ARHGAP15: variants seen among roughly 807,000 people sequenced by gnomAD.
ARHGAP15 encodes the protein rho GTPase-activating protein 15.
ARHGAP15 carries 51 observed loss-of-function variants against 63.7 expected under a neutral mutation model. That is an observed-to-expected ratio of 0.80 (90% CI 0.64 to 1.01). The LOEUF is 1.01. ARHGAP15 is among the 50% of genes least tolerant of loss of function. The pLI is 0.00. For synonymous variants in ARHGAP15, 191 were observed against 193.8 expected (o/e 0.99, Z 0.12); for missense variants, 560 against 564.6 (o/e 0.99, Z 0.08).
intron 11 of ARHGAP15, among the ~76,000 whole-genome samples, chr2:143,604,152 A>G (rs1286818180): frequency 6.6e-6 from 1 of 152,250 alleles, no homozygotes; most frequent in Admixed American, 6.5e-5. Flanking sequence ...CCTCAGGCTC[A>G]AATGCAGAAT....
intron 10 of ARHGAP15, among the ~76,000 whole-genome samples, chr2:143,556,106 C>T (rs1013150537): frequency 1.1e-4 from 16 of 152,014 alleles, no homozygotes; most frequent in Non-Finnish European, 1.9e-4. Context: ...GGTTTCCCCC[C>T]TACCCAGTTG....
rs150470323 is a variant in ARHGAP15 at position 143,170,445 on chromosome 2, C to T, written c.165+14790C>T. ...CCCACACCACTGCCACCAACAAATA[C>T]ATGATTGGACTGAGATGTGACTTTA... On this transcript the variant is annotated intron_variant, in intron 2 of 13. Transcript: ENST00000295095. 2.3e-3 allele frequency among the ~76,000 whole-genome samples: 344 copies of T among 152,234 alleles called. 2 individuals carry two copies. Among genetic ancestry groups the T allele is most frequent in the African/African-American group, 7.9e-3 (330 of 41,564 alleles).
intron 6 of ARHGAP15, among the ~76,000 whole-genome samples, chr2:143,251,765 G>T (rs934621192): frequency 1.3e-5 from 2 of 151,922 alleles, no homozygotes; most frequent in Non-Finnish European, 2.9e-5. Flanking sequence ...AAAGATAGAA[G>T]AAAACCAAAC....
At chr2:143,246,022 C>A (rs1450115938) in intron 5 of ARHGAP15, among the ~76,000 whole-genome samples, 1 of 151,948 alleles carries the variant, frequency 6.6e-6, no homozygotes, top group Non-Finnish European at 1.5e-5. Context: ...TATTCTTGGA[C>A]CTGAAAAAGC....
At chr2:143,137,186 T>G (rs1228964689) in intron 1 of ARHGAP15, among the ~76,000 whole-genome samples, 1 of 152,112 alleles carries the variant, frequency 6.6e-6, no homozygotes, top group Non-Finnish European at 1.5e-5. Context: ...GCTATGGAAT[T>G]TATTATTTAT....
At chr2:143,216,854 G>T (rs1692777470) in intron 4 of ARHGAP15, among the ~76,000 whole-genome samples, 1 of 152,116 alleles carries the variant, frequency 6.6e-6, no homozygotes, top group Non-Finnish European at 1.5e-5. Flanking sequence ...GCTCAAAATA[G>T]AAATTGATAA....
chr2:143,449,624 C>T (rs1409224788), intron 8 of ARHGAP15, among the ~76,000 whole-genome samples: 3 of 152,018 alleles, frequency 2.0e-5, no homozygotes, highest in Admixed American at 6.6e-5. Context: ...CCAGGCTGCA[C>T]TTCAGTCAAG....
intron 6 of ARHGAP15, among the ~76,000 whole-genome samples, chr2:143,309,871 T>A (rs1315036438): frequency 1.1e-5 from 1 of 90,312 alleles, no homozygotes; most frequent in East Asian, 2.0e-4. Flanking sequence ...TGAACTTGTG[T>A]GTGTGTGTGT....
In ARHGAP15 at chr2:143,152,168, C is replaced by T. The variant is rs564485011; in HGVS notation, c.-14-3309C>T. 6.6e-5 allele frequency among the ~76,000 whole-genome samples: 10 copies of T among 152,068 alleles called. No individual in the cohort carries two copies. In the South Asian group the frequency reaches 2.1e-3, roughly 32 times the overall value. Reference sequence around the variant, plus strand: ...ATCATTCAGCCAGATGAAAGATAAGCGAGATGATCAGATATCCCCACAGAG... The same window carrying T: ...ATCATTCAGCCAGATGAAAGATAAGTGAGATGATCAGATATCCCCACAGAG... On this transcript the variant is annotated intron_variant, in intron 1 of 13. Coordinates refer to ENST00000295095, the MANE Select transcript of ARHGAP15 (RefSeq NM_018460.4).
intron 3 of ARHGAP15, among the ~76,000 whole-genome samples, chr2:143,202,776 T>G (rs1198679412): frequency 6.6e-6 from 1 of 152,118 alleles, no homozygotes; most frequent in Non-Finnish European, 1.5e-5. Flanking sequence ...TTTTTTGTTA[T>G]TGTTGTTGTT....
chr2:143,760,957 CTAA>C (rs1686741586), intron 13 of ARHGAP15, among the ~76,000 whole-genome samples: 1 of 152,120 alleles, frequency 6.6e-6, no homozygotes, highest in South Asian at 2.1e-4. Context: ...TCGAAACACA[CTAA>C]TGTTAAATGC....
chr2:143,443,566 A>G (rs1036892074), intron 8 of ARHGAP15, among the ~76,000 whole-genome samples: 1 of 152,162 alleles, frequency 6.6e-6, no homozygotes, highest in Non-Finnish European at 1.5e-5. Flanking sequence ...AAGACAGACA[A>G]TATCTAAAGA....
chr2:143,520,534 G>T (rs1694015881), intron 10 of ARHGAP15, among the ~76,000 whole-genome samples: 3 of 152,126 alleles, frequency 2.0e-5, no homozygotes, highest in African/African-American at 7.2e-5. Flanking sequence ...TACAGTGAGA[G>T]TAGAAAGCAG....
chr2:143,714,594 C>T (rs1294806613), intron 13 of ARHGAP15, among the ~76,000 whole-genome samples: 1 of 152,240 alleles, frequency 6.6e-6, no homozygotes, highest in Non-Finnish European at 1.5e-5. Context: ...CTTTTATGCT[C>T]TGTTTCCCTT....
chr2:143,143,445 T>TC (rs1689452696), intron 1 of ARHGAP15, among the ~76,000 whole-genome samples: 1 of 152,122 alleles, frequency 6.6e-6, no homozygotes, highest in South Asian at 2.1e-4. Context: ...CTGGCAAATA[T>TC]TTTTTCACTA....
intron 13 of ARHGAP15, among the ~76,000 whole-genome samples, chr2:143,724,545 C>T (rs1685198980): frequency 6.6e-6 from 1 of 152,074 alleles, no homozygotes; most frequent in African/African-American, 2.4e-5. Flanking sequence ...TTTCCTGGAC[C>T]TTGTAGTGTT....
At chr2:143,468,687 T>TG in intron 8 of ARHGAP15, among the ~76,000 whole-genome samples, 1 of 148,988 alleles carries the variant, frequency 6.7e-6, no homozygotes. Context: ...TGTGTGTGTG[T>TG]TGTAAAAGTT....
chr2:143,220,004 GTTTTTA>G (rs1167647265), intron 4 of ARHGAP15, among the ~76,000 whole-genome samples: 1 of 151,942 alleles, frequency 6.6e-6, no homozygotes, highest in East Asian at 1.9e-4. Flanking sequence ...GGCTTGTTTT[GTTTTTA>G]TTGTAAATAC....
intron 13 of ARHGAP15, among the ~76,000 whole-genome samples, chr2:143,736,803 A>G (rs956092576): frequency 2.0e-5 from 3 of 152,240 alleles, no homozygotes; most frequent in African/African-American, 4.8e-5. Context: ...AAATAGAATG[A>G]AGGACTAGAT....
Sources: gnomAD v4.1 joint callset for allele counts (sites outside exome capture counted in the v4.1 genomes callset) on GRCh38, gnomAD v4.1.1 for gene constraint, MANE v1.5 for transcripts, NCBI Gene and HGNC (gene_info 2026-07-23, HGNC 2026-07-21) for gene names.